Variants in DDX46 observed in about 807,000 individuals in gnomAD.
DDX46 encodes probable ATP-dependent RNA helicase DDX46.
In DDX46, 30 loss-of-function variants were observed where a neutral mutation model predicts 134.9. The observed-to-expected ratio is 0.22, with a 90% confidence interval of 0.17 to 0.30. The LOEUF is 0.30. DDX46 is among the 10% of genes least tolerant of loss of function. DDX46 has a pLI of 1.00. For missense variants in DDX46, 622 were observed against 1,248.7 expected (o/e 0.50, Z 7.56); for synonymous variants, 415 against 404.1 (o/e 1.03, Z -0.32).
At chr5:134,817,937 T>G (rs967921943) in intron 20 of DDX46, among the ~76,000 whole-genome samples, 22 of 151,412 alleles carry the variant, frequency 1.5e-4, no homozygotes, top group Non-Finnish European at 2.9e-4. Flanking sequence ...CTTTGTTTTC[T>G]TTGCTTGTTT....
intron 21 of DDX46, among the ~76,000 whole-genome samples, chr5:134,823,419 G>T (rs945901420): frequency 1.3e-5 from 2 of 152,102 alleles, no homozygotes; most frequent in African/African-American, 4.8e-5. Context: ...GATTACAGGC[G>T]AGAGCCACCA....
intron 4 of DDX46, among the ~76,000 whole-genome samples, chr5:134,772,161 G>A (rs1753792551): frequency 6.6e-6 from 1 of 151,832 alleles, no homozygotes; most frequent in African/African-American, 2.4e-5. Context: ...AACCTGGGAG[G>A]CAGAGGTTGC....
At chr5:134,817,907 A>G (rs1266451247) in intron 20 of DDX46, among the ~76,000 whole-genome samples, 193 bp downstream of exon 20, 1 of 151,618 alleles carries the variant, frequency 6.6e-6, no homozygotes, top group Non-Finnish European at 1.5e-5. Flanking sequence ...CTTATGATGC[A>G]GGTATGTATT....
intron 17 of DDX46, 58 bp downstream of exon 17, chr5:134,811,416 T>C: frequency 6.4e-7 from 1 of 1,554,842 alleles, no homozygotes; most frequent in East Asian, 2.3e-5. Context: ...AAACCTTGAT[T>C]ATTTAATTCT....
intron 15 of DDX46, among the ~76,000 whole-genome samples, chr5:134,804,447 AT>A (rs995911283): frequency 1.3e-5 from 2 of 151,804 alleles, no homozygotes; most frequent in African/African-American, 4.8e-5. Flanking sequence ...TTGTCTTTTT[AT>A]TTTTTTTGGG....
intron 21 of DDX46, among the ~76,000 whole-genome samples, chr5:134,820,856 TTTC>T (rs1755423063): frequency 6.7e-6 from 1 of 149,422 alleles, no homozygotes; most frequent in African/African-American, 2.5e-5. Flanking sequence ...AATCTTTTCT[TTTC>T]TTTTCTTTTT....
intron 1 of DDX46, among the ~76,000 whole-genome samples, chr5:134,760,827 T>G (rs1269927532): frequency 6.6e-6 from 1 of 152,124 alleles, no homozygotes; most frequent in African/African-American, 2.4e-5. Context: ...CCTCCAGGGT[T>G]CACGCCATTC....
intron 11 of DDX46, among the ~76,000 whole-genome samples, chr5:134,787,431 G>C (rs1238359473): frequency 1.3e-5 from 2 of 152,180 alleles, no homozygotes; most frequent in Non-Finnish European, 2.9e-5. Context: ...GATAAATTAA[G>C]TGACGTTTTC....
At chr5:134,792,497 A>G (rs1754534068) in intron 13 of DDX46, among the ~76,000 whole-genome samples, 1 of 152,126 alleles carries the variant, frequency 6.6e-6, no homozygotes. Flanking sequence ...AAGAGAGTAA[A>G]GAGAATTGAA....
intron 6 of DDX46, among the ~76,000 whole-genome samples, chr5:134,780,476 A>G (rs1754112011): frequency 6.7e-6 from 1 of 150,288 alleles, no homozygotes; most frequent in East Asian, 2.0e-4. Flanking sequence ...AGGCAGGAGA[A>G]TTGCTTGAAT....
chr5:134,801,676 A>C lies in DDX46; in HGVS notation c.1954+5526A>C, dbSNP rs78195803. On this transcript the variant is annotated intron_variant, in intron 15 of 22. Transcript: ENST00000452510. Reference sequence around the variant, plus strand: ...TTAAGCTCCAGAGTATTGGGATTCAAGCCTGAGCCACGGTGCCTGGCTTAT... The same window carrying C: ...TTAAGCTCCAGAGTATTGGGATTCACGCCTGAGCCACGGTGCCTGGCTTAT... Among the ~76,000 whole-genome samples, 1,264 of 152,304 alleles carry C rather than the reference A, an allele frequency of 8.3e-3. 17 individuals carry two copies. The highest frequency in any genetic ancestry group is 0.028 in the African/African-American group (1,152 of 41,560).
At chr5:134,766,767 A>C (rs1260956659) in intron 2 of DDX46, 150 bp from the exon 3 acceptor site, 2 of 838,448 alleles carry the variant, frequency 2.4e-6, no homozygotes, top group Non-Finnish European at 1.7e-6. Context: ...TTTTTCGTTG[A>C]GCACTTATAA....
chr5:134,787,270 T>C (rs558819351), intron 11 of DDX46, among the ~76,000 whole-genome samples: 5 of 152,216 alleles, frequency 3.3e-5, no homozygotes, highest in Admixed American at 2.6e-4. Context: ...TTTTCAGATA[T>C]TTTGCTTAAC....
chr5:134,803,498 T>C (rs961552082), intron 15 of DDX46, among the ~76,000 whole-genome samples: 3 of 152,198 alleles, frequency 2.0e-5, no homozygotes, highest in African/African-American at 7.2e-5. Context: ...CTTATAAGAC[T>C]GAGTTTCTGT....
intron 20 of DDX46, 112 bp downstream of exon 20, chr5:134,817,826 T>A: frequency 1.2e-6 from 1 of 830,872 alleles, no homozygotes; most frequent in Non-Finnish European, 1.9e-6. Context: ...ACTCTTTACC[T>A]AAATGGAGGA....
At chr5:134,819,788 G>T (rs976526754) in intron 21 of DDX46, among the ~76,000 whole-genome samples, 1 of 151,956 alleles carries the variant, frequency 6.6e-6, no homozygotes, top group Non-Finnish European at 1.5e-5. Context: ...CCCCCACTCA[G>T]CCTCCCAAAG....
At chr5:134,770,534 G>A (rs753586952) in intron 3 of DDX46, among the ~76,000 whole-genome samples, 4 of 152,094 alleles carry the variant, frequency 2.6e-5, no homozygotes, top group Non-Finnish European at 5.9e-5. Flanking sequence ...TTTTAAGGCC[G>A]GGCGAGGTGG....
intron 16 of DDX46, among the ~76,000 whole-genome samples, chr5:134,808,508 C>G (rs1755054032): frequency 2.0e-5 from 3 of 152,044 alleles, no homozygotes; most frequent in Admixed American, 1.3e-4. Flanking sequence ...ACTTTTGCAC[C>G]ATGGTAAAGT....
rs1755712324 is a variant in DDX46 at position 134,830,546 on chromosome 5, A to G, written c.*1840A>G. Reference sequence around the variant, plus strand: ...GCATACTATAGTTGTAAAAACAAATAATTTTAATAGTATATTCAGTGGCTG... The same window carrying G: ...GCATACTATAGTTGTAAAAACAAATGATTTTAATAGTATATTCAGTGGCTG... On this transcript the variant is annotated 3_prime_UTR_variant, in exon 23 of 23. Transcript: ENST00000452510. The G allele has an allele frequency of 6.6e-6, 1 of 152,222 alleles. No individual in the cohort carries two copies. Among genetic ancestry groups the G allele is most frequent in the African/African-American group, 2.4e-5 (1 of 41,444 alleles). The allele number at this position is 152,222 out of a possible 1,614,324, so 9.4% of individuals were successfully genotyped here.
Sources: allele counts gnomAD v4.1 joint callset (sites outside exome capture counted in the v4.1 genomes callset), GRCh38; gene constraint gnomAD v4.1.1; transcripts MANE v1.5; gene names NCBI Gene and HGNC (gene_info 2026-07-23, HGNC 2026-07-21).